GALNT14: variants seen among roughly 807,000 people sequenced by gnomAD.
GALNT14 encodes the protein polypeptide N-acetylgalactosaminyltransferase 14.
Under a neutral mutation model 77.5 loss-of-function variants are expected in GALNT14, and 60 were observed. The observed-to-expected ratio is 0.77, with a 90% CI of 0.63 to 0.96. The LOEUF is 0.96. GALNT14 is among the 40% of genes least tolerant of loss of function. The pLI is 0.00. For missense variants in GALNT14, 710 were observed against 731.0 expected (o/e 0.97, Z 0.33); for synonymous variants, 280 against 281.7 (o/e 0.99, Z 0.06).
chr2:31,081,685 A>T (rs80296085), intron 1 of GALNT14, among the ~76,000 whole-genome samples: 3,163 of 152,352 alleles, frequency 0.021, 118 homozygotes, highest in African/African-American at 0.073. Context: ...TGCAAAATTG[A>T]TTCAATGAAA....
intron 2 of GALNT14, among the ~76,000 whole-genome samples, chr2:30,991,969 C>T (rs1218898193): frequency 6.6e-6 from 1 of 152,190 alleles, no homozygotes; most frequent in Admixed American, 6.5e-5. Context: ...ACCAGTACCA[C>T]AGCTTCTCAG....
At chr2:31,015,947 G>C (rs1341281075) in intron 1 of GALNT14, among the ~76,000 whole-genome samples, 1 of 152,178 alleles carries the variant, frequency 6.6e-6, no homozygotes, top group Non-Finnish European at 1.5e-5. Flanking sequence ...CCTTGAAGCA[G>C]GCTGAGGGGG....
At chr2:31,049,655 C>T (rs1314694134) in intron 1 of GALNT14, among the ~76,000 whole-genome samples, 2 of 152,116 alleles carry the variant, frequency 1.3e-5, no homozygotes, top group Non-Finnish European at 2.9e-5. Flanking sequence ...GCAGGAAGGG[C>T]CAAGGTAGGC....
At chr2:31,103,990 A>C (rs568295837) in intron 1 of GALNT14, among the ~76,000 whole-genome samples, 1 of 152,326 alleles carries the variant, frequency 6.6e-6, no homozygotes, top group Non-Finnish European at 1.5e-5. Flanking sequence ...TGTACTTAAA[A>C]GATGGCTAGA....
At chr2:30,924,017 G>A (rs1665196255) in intron 13 of GALNT14, 102 bp downstream of exon 13, 1 of 1,266,978 alleles carries the variant, frequency 7.9e-7, no homozygotes, top group East Asian at 2.3e-5. Flanking sequence ...GGGAATAAAT[G>A]GGCATCTGAT....
chr2:30,955,776 G>T (rs758857376), intron 5 of GALNT14, 37 bp from the exon 6 acceptor site: 3 of 1,612,930 alleles, frequency 1.9e-6, no homozygotes, highest in South Asian at 2.2e-5. Flanking sequence ...GGGTGCCACT[G>T]TCACTCCATT....
chr2:31,105,424 T>C (rs1163037223), intron 1 of GALNT14, among the ~76,000 whole-genome samples: 3 of 152,174 alleles, frequency 2.0e-5, no homozygotes, highest in African/African-American at 7.2e-5. Context: ...TGAGGCCCCC[T>C]GGTAACTTGC....
chr2:31,098,389 C>T (rs1381458638), intron 1 of GALNT14, among the ~76,000 whole-genome samples: 1 of 152,112 alleles, frequency 6.6e-6, no homozygotes, highest in Non-Finnish European at 1.5e-5. Flanking sequence ...AGAGGATGTG[C>T]ATCATCTTCT....
intron 1 of GALNT14, among the ~76,000 whole-genome samples, chr2:31,018,928 A>G (rs1671548009): frequency 6.6e-6 from 1 of 152,156 alleles, no homozygotes; most frequent in Admixed American, 6.5e-5. Context: ...TGGTCATTAG[A>G]CAAGAGAATG....
At chr2:31,120,296 A>G (rs1678341592) in intron 1 of GALNT14, among the ~76,000 whole-genome samples, 1 of 152,182 alleles carries the variant, frequency 6.6e-6, no homozygotes, top group African/African-American at 2.4e-5. Context: ...ACCAAAACAG[A>G]TCTGTAAATG....
intron 1 of GALNT14, chr2:31,125,056 G>A (rs1349584951): frequency 2.4e-6 from 2 of 829,030 alleles, no homozygotes; most frequent in African/African-American, 3.4e-5. Flanking sequence ...GGTGCGCCCA[G>A]GAGCTCTGGC....
intron 1 of GALNT14, among the ~76,000 whole-genome samples, chr2:31,130,734 C>CTGTG (rs4020220): frequency 0.082 from 9,567 of 117,308 alleles, 437 homozygotes; most frequent in Middle Eastern, 0.1. Context: ...CAGGGTACCT[C>CTGTG]TGTGTGTGTG....
chr2:30,995,130 TTGTGTGTGTGTGTGTGTGTGTGTGTGTG>T (rs3058232), intron 1 of GALNT14, among the ~76,000 whole-genome samples: 6 of 144,040 alleles, frequency 4.2e-5, no homozygotes, highest in East Asian at 4.1e-4. Context: ...AGAACCAATG[TTGTGTGTGTGTGTGTGTGTGTGTGTGTG>T]TGTGTGTGTG....
chr2:30,892,730 C>T, the GALNT14 span, among the ~76,000 whole-genome samples: 1 of 152,102 alleles, frequency 6.6e-6, no homozygotes, highest in East Asian at 1.9e-4. Flanking sequence ...AACATTTGGC[C>T]CTGGTTAGGG....
intron 6 of GALNT14, among the ~76,000 whole-genome samples, chr2:30,953,305 C>CTTTTT (rs34668885): frequency 5.1e-5 from 6 of 117,112 alleles, no homozygotes; most frequent in Non-Finnish European, 6.8e-5. Context: ...AATTTCCTTC[C>CTTTTT]TTTTTTTTTT....
the GALNT14 span, among the ~76,000 whole-genome samples, chr2:30,893,098 A>G: frequency 6.6e-6 from 1 of 152,238 alleles, no homozygotes; most frequent in African/African-American, 2.4e-5. Flanking sequence ...AGAAATGAAA[A>G]AGAAGTAAGT....
At chr2:31,002,616 G>C (rs910242359) in intron 1 of GALNT14, among the ~76,000 whole-genome samples, 3 of 152,182 alleles carry the variant, frequency 2.0e-5, no homozygotes, top group African/African-American at 4.8e-5. Flanking sequence ...GCCAGTTAGG[G>C]AGTGACTATA....
At chr2:31,083,058 T>C (rs1191033658) in intron 1 of GALNT14, among the ~76,000 whole-genome samples, 1 of 151,972 alleles carries the variant, frequency 6.6e-6, no homozygotes, top group Non-Finnish European at 1.5e-5. Flanking sequence ...CTACTACTAT[T>C]AATAATAATA....
At chr2:30,956,080 T>C in intron 4 of GALNT14, 103 bp from the exon 5 acceptor site, 1 of 1,085,604 alleles carries the variant, frequency 9.2e-7, no homozygotes, top group Non-Finnish European at 1.4e-6. Flanking sequence ...GAGGCAGCCC[T>C]GTCCACTGTC....
Sources: gnomAD v4.1 joint callset for allele counts (sites outside exome capture counted in the v4.1 genomes callset) on GRCh38, gnomAD v4.1.1 for gene constraint, MANE v1.5 for transcripts, NCBI Gene and HGNC (gene_info 2026-07-23, HGNC 2026-07-21) for gene names.